Variants in HDAC8 observed in about 807,000 individuals in gnomAD.
HDAC8 encodes the protein histone deacetylase-like 1.
HDAC8 carries 1 observed loss-of-function variant against 32.2 expected under a neutral mutation model. The ratio of observed to expected loss-of-function variants is 0.03; its 90% CI spans 0.01 to 0.15. The LOEUF (loss-of-function observed/expected upper bound fraction) is 0.15. HDAC8 is among the 10% of genes least tolerant of loss of function. The pLI, the probability that HDAC8 is intolerant of heterozygous loss-of-function variation, is 1.00. For synonymous variants in HDAC8, 108 were observed against 113.9 expected (o/e 0.95, Z 0.33); for missense variants, 117 against 300.0 (o/e 0.39, Z 4.51).
Position 72,329,661 on chromosome X carries a change from T to A in HDAC8, c.*393A>T. On this transcript the variant is annotated 3_prime_UTR_variant, in exon 11 of 11. Coordinates refer to ENST00000373573, the MANE Select transcript of HDAC8 (RefSeq NM_018486.3). Reference sequence around the variant, plus strand: ...ATGGTCCTGAGGCCCAAACCCTGCCTGTCAGCTGCCTCCTGCCCTACAAAC... The same window carrying A: ...ATGGTCCTGAGGCCCAAACCCTGCCAGTCAGCTGCCTCCTGCCCTACAAAC... The A allele has an allele frequency of 8.4e-7, 1 of 1,185,666 alleles. No homozygotes were observed. Among genetic ancestry groups the A allele is most frequent in the Non-Finnish European group, 1.1e-6 (1 of 881,936 alleles).
At chrX:72,384,897 C>A (rs1383289598) in intron 9 of HDAC8, among the ~76,000 whole-genome samples, 2 of 111,526 alleles carry the variant, frequency 1.8e-5, no homozygotes, top group African/African-American at 6.5e-5. Flanking sequence ...TCCTGTAATT[C>A]CCTTTTCATT....
chrX:72,539,968 C>T (rs1262131254), intron 4 of HDAC8, among the ~76,000 whole-genome samples: 1 of 112,200 alleles, frequency 8.9e-6, no homozygotes, highest in Non-Finnish European at 1.9e-5. Context: ...GTCAAACAAG[C>T]CCAGAGGAAC....
intron 4 of HDAC8, among the ~76,000 whole-genome samples, chrX:72,523,703 C>T (rs913187480): frequency 1.8e-5 from 2 of 111,854 alleles, no homozygotes; most frequent in Admixed American, 1.9e-4. Context: ...GTGATATTAA[C>T]GATTATCAAA....
chrX:72,362,174 G>A (rs782063622), intron 9 of HDAC8, among the ~76,000 whole-genome samples: 1 of 111,068 alleles, frequency 9.0e-6, no homozygotes, highest in Non-Finnish European at 1.9e-5. Flanking sequence ...TCATGGGTGC[G>A]GATCCTCATG....
chrX:72,572,134 A>G (rs1569415932), intron 1 of HDAC8, 25 bp from the exon 2 acceptor site: 3 of 1,163,484 alleles, frequency 2.6e-6, no homozygotes, highest in Non-Finnish European at 2.3e-6. Flanking sequence ...GTAAAAAAAA[A>G]AAAAGAAAAG....
intron 4 of HDAC8, among the ~76,000 whole-genome samples, chrX:72,552,103 A>G (rs2051090246): frequency 8.9e-6 from 1 of 112,286 alleles, no homozygotes; most frequent in Non-Finnish European, 1.9e-5. Flanking sequence ...TAAAAGTAAT[A>G]CAATCACGTT....
chrX:72,351,749 G>A lies in HDAC8; in HGVS notation c.1095C>T (p.Ile365=). 8.3e-7 allele frequency: 1 copy of A among 1,207,091 alleles called. No individual in the cohort carries two copies. Among genetic ancestry groups the A allele is most frequent in the South Asian group, 1.8e-5 (1 of 56,826 alleles). The change falls in exon 10 of 11, where the codon ATC becomes ATT. Residue 365 remains isoleucine, a synonymous_variant. Coordinates refer to ENST00000373573, the MANE Select transcript of HDAC8 (RefSeq NM_018486.3). ...DRNEPHRIQQ[I]LNYIKGNLKH... ...GGTGCTCACCTTTGATGTAGTTGAG[G>A]ATTTGTTGGATTCGGTGGGGCTCAT...
chrX:72,562,566 A>G (rs1450989006), intron 4 of HDAC8, among the ~76,000 whole-genome samples: 1 of 111,211 alleles, frequency 9.0e-6, no homozygotes, highest in African/African-American at 3.3e-5. Flanking sequence ...AGACTACACA[A>G]TGGGTACAGT....
intron 9 of HDAC8, among the ~76,000 whole-genome samples, chrX:72,359,998 G>A (rs1396100355): frequency 9.3e-6 from 1 of 108,018 alleles, no homozygotes; most frequent in African/African-American, 3.4e-5. Context: ...AGGTTGCAGT[G>A]AGTCAAGATT....
chrX:72,436,028 C>T (rs1187301649), intron 9 of HDAC8, among the ~76,000 whole-genome samples: 1 of 108,822 alleles, frequency 9.2e-6, no homozygotes, highest in Non-Finnish European at 1.9e-5. Flanking sequence ...CCAATCTAGA[C>T]AATGGAGAGA....
In HDAC8 at chrX:72,467,876, T is replaced by C. The variant is rs2048064075; in HGVS notation, c.738-3145A>G. 4 of 935,722 alleles carry C rather than the reference T, an allele frequency of 4.3e-6. No individual in the cohort carries two copies. The Admixed American group carries it at 1.1e-4, about 25-fold the overall frequency. 77.1% of individuals were successfully genotyped at this position (935,722 alleles called of 1,213,427 possible). On this transcript the variant is annotated intron_variant, in intron 7 of 10. Transcript: ENST00000373573. Reference sequence around the variant, plus strand: ...CAGAGTGACACACAAGAAAAGCATATACATATAACATTTATGAGTGTTTGG... The same window carrying C: ...CAGAGTGACACACAAGAAAAGCATACACATATAACATTTATGAGTGTTTGG...
intron 9 of HDAC8, among the ~76,000 whole-genome samples, chrX:72,417,831 A>G (rs781996239): frequency 8.9e-6 from 1 of 112,285 alleles, no homozygotes; most frequent in Non-Finnish European, 1.9e-5. Context: ...CTACAAGGAT[A>G]TAGTAACCAA....
At chrX:72,427,605 G>A (rs781863646) in intron 9 of HDAC8, among the ~76,000 whole-genome samples, 4 of 87,461 alleles carry the variant, frequency 4.6e-5, no homozygotes, top group Middle Eastern at 5.4e-3. Context: ...TGTGGGGTGG[G>A]GGGGGGGAGG....
intron 9 of HDAC8, among the ~76,000 whole-genome samples, chrX:72,385,061 C>CT (rs1285792039): frequency 0.019 from 2,009 of 105,451 alleles, 52 homozygotes; most frequent in African/African-American, 0.064. Context: ...AAAGAAAATT[C>CT]TTTTTTTTTT....
chrX:72,535,057 A>G (rs1603200229), intron 4 of HDAC8, among the ~76,000 whole-genome samples: 1 of 111,940 alleles, frequency 8.9e-6, no homozygotes, highest in South Asian at 3.8e-4. Flanking sequence ...CCAAGCCTGT[A>G]GCTTTTATGA....
chrX:72,552,504 G>A (rs782661787), intron 4 of HDAC8, among the ~76,000 whole-genome samples: 3 of 110,695 alleles, frequency 2.7e-5, no homozygotes, highest in South Asian at 3.9e-4. Context: ...CCAGCCACTC[G>A]GGAGGCTGAG....
At chrX:72,529,689 G>A (rs2050267904) in intron 4 of HDAC8, among the ~76,000 whole-genome samples, 1 of 112,225 alleles carries the variant, frequency 8.9e-6, no homozygotes, top group African/African-American at 3.2e-5. Context: ...ATACACATTT[G>A]TGAATAAGTA....
chrX:72,360,224 G>A (rs1449147347), intron 9 of HDAC8, among the ~76,000 whole-genome samples: 1 of 107,201 alleles, frequency 9.3e-6, no homozygotes, highest in Non-Finnish European at 1.9e-5. Context: ...GTGTGGTGCC[G>A]CACACCTGTA....
intron 7 of HDAC8, 50 bp from the exon 8 acceptor site, chrX:72,464,781 T>C (rs782642759): frequency 1.2e-5 from 11 of 955,131 alleles, no homozygotes; most frequent in Non-Finnish European, 1.5e-5. Flanking sequence ...GGTCTAGGGG[T>C]AGTGGTGGTG....
Sources: gnomAD v4.1 joint callset for allele counts (sites outside exome capture counted in the v4.1 genomes callset) on GRCh38, gnomAD v4.1.1 for gene constraint, MANE v1.5 for transcripts, NCBI Gene and HGNC (gene_info 2026-07-23, HGNC 2026-07-21) for gene names.